The following SGCD variants were observed in gnomAD, a reference collection of about 807,000 sequenced individuals.
SGCD encodes sarcoglycan delta.
Under a neutral mutation model 36.6 loss-of-function variants are expected in SGCD, and 18 were observed. That is an observed-to-expected ratio of 0.49 (90% confidence interval 0.34 to 0.73). SGCD has a LOEUF of 0.73. Ranked by LOEUF, SGCD falls within the 30% of genes least tolerant of loss-of-function variation. SGCD has a pLI of 0.01. For synonymous variants in SGCD, 133 were observed against 130.6 expected (o/e 1.02, Z -0.12); for missense variants, 387 against 346.7 (o/e 1.12, Z -0.92).
chr5:156,644,787 T>C (rs565601058), intron 6 of SGCD, among the ~76,000 whole-genome samples: 1 of 152,284 alleles, frequency 6.6e-6, no homozygotes, highest in East Asian at 1.9e-4. Flanking sequence ...AGCATAGAGA[T>C]AGGACTAGAT....
At chr5:156,123,642 T>G (rs954902130) in intron 2 of SGCD, among the ~76,000 whole-genome samples, 3 of 152,162 alleles carry the variant, frequency 2.0e-5, no homozygotes, top group African/African-American at 7.2e-5. Context: ...CTAAAATACC[T>G]TCCAGCCTTG....
At chr5:155,737,216 A>G in the SGCD span, among the ~76,000 whole-genome samples, 1 of 152,224 alleles carries the variant, frequency 6.6e-6, no homozygotes, top group Non-Finnish European at 1.5e-5. Flanking sequence ...GCAAACGACT[A>G]TGAGGTACGT....
intron 4 of SGCD, among the ~76,000 whole-genome samples, chr5:156,544,003 C>T (rs1490470183): frequency 6.6e-6 from 1 of 152,122 alleles, no homozygotes; most frequent in Admixed American, 6.5e-5. Context: ...GGGTGTATTC[C>T]AGTGAAGAGG....
the SGCD span, among the ~76,000 whole-genome samples, chr5:155,818,365 G>C: frequency 6.6e-6 from 1 of 152,082 alleles, no homozygotes; most frequent in African/African-American, 2.4e-5. Context: ...CAACAGGTGT[G>C]CAGGGAGGAG....
intron 3 of SGCD, among the ~76,000 whole-genome samples, chr5:156,153,527 T>C (rs1274014349): frequency 2.0e-5 from 3 of 151,758 alleles, no homozygotes; most frequent in African/African-American, 4.9e-5. Context: ...TCCTTATGTT[T>C]CATGGGAACT....
At chr5:156,686,591 G>A (rs1052765587) in intron 7 of SGCD, among the ~76,000 whole-genome samples, 1 of 152,196 alleles carries the variant, frequency 6.6e-6, no homozygotes, top group Non-Finnish European at 1.5e-5. Flanking sequence ...ACACAGAACA[G>A]CCATAGTACT....
chr5:156,085,814 T>C (rs147165142), intron 1 of SGCD, among the ~76,000 whole-genome samples: 3 of 152,302 alleles, frequency 2.0e-5, no homozygotes, highest in East Asian at 1.9e-4. Context: ...GGTTTCTTTA[T>C]GGGGTAATGA....
chr5:156,362,140 T>G (rs999484701), intron 3 of SGCD, among the ~76,000 whole-genome samples: 1 of 152,168 alleles, frequency 6.6e-6, no homozygotes, highest in Non-Finnish European at 1.5e-5. Flanking sequence ...ACACCCTAAG[T>G]AGGAGCCAAT....
At chr5:156,374,166 C>T (rs2127742065) in intron 3 of SGCD, among the ~76,000 whole-genome samples, 1 of 149,936 alleles carries the variant, frequency 6.7e-6, no homozygotes, top group Middle Eastern at 3.5e-3. Context: ...AAAAAAAATG[C>T]ATGGCAATAT....
At chr5:156,579,010 T>C (rs1047427640) in intron 4 of SGCD, among the ~76,000 whole-genome samples, 2 of 152,246 alleles carry the variant, frequency 1.3e-5, no homozygotes, top group Non-Finnish European at 2.9e-5. Flanking sequence ...TGTTAGGGTG[T>C]CGATTTTAGA....
intron 4 of SGCD, among the ~76,000 whole-genome samples, chr5:156,525,669 G>C (rs1470929795): frequency 6.6e-6 from 1 of 151,924 alleles, no homozygotes; most frequent in African/African-American, 2.4e-5. Context: ...CAATGTCATA[G>C]AGCTTTGCCC....
At chr5:156,044,463 G>A (rs932037203) in intron 1 of SGCD, among the ~76,000 whole-genome samples, 1 of 152,108 alleles carries the variant, frequency 6.6e-6, no homozygotes, top group Non-Finnish European at 1.5e-5. Context: ...TTGAATCATG[G>A]GTTGCTTCAG....
intron 3 of SGCD, among the ~76,000 whole-genome samples, chr5:156,176,691 C>T (rs111252011): frequency 0.017 from 2,584 of 152,290 alleles, 79 homozygotes; most frequent in African/African-American, 0.059. Flanking sequence ...TTAAAATCCT[C>T]TGTTGCAGGC....
chr5:156,538,756 A>T (rs532026850), intron 4 of SGCD, among the ~76,000 whole-genome samples: 1 of 152,012 alleles, frequency 6.6e-6, no homozygotes, highest in African/African-American at 2.4e-5. Flanking sequence ...TAAGGAAGAG[A>T]AGAGGAACTG....
At chr5:155,847,801 C>A in the SGCD span, among the ~76,000 whole-genome samples, 3 of 152,276 alleles carry the variant, frequency 2.0e-5, no homozygotes, top group Admixed American at 2.0e-4. Flanking sequence ...TAGCTCAGGC[C>A]ACAAACTTCA....
At chr5:156,553,354 C>A (rs253592) in intron 4 of SGCD, among the ~76,000 whole-genome samples, 69,575 of 151,984 alleles carry the variant, frequency 0.46, 16,343 homozygotes, top group Non-Finnish European at 0.49. Context: ...AAGATGCTCT[C>A]AAATCACTTG....
At chr5:156,425,558 G>A (rs1032751287) in intron 3 of SGCD, among the ~76,000 whole-genome samples, 1 of 151,580 alleles carries the variant, frequency 6.6e-6, no homozygotes, top group Admixed American at 6.6e-5. Context: ...TGGATGACGG[G>A]TTTTTTTTAT....
At chr5:156,412,837 G>A (rs551766083) in intron 3 of SGCD, among the ~76,000 whole-genome samples, 5 of 147,184 alleles carry the variant, frequency 3.4e-5, no homozygotes, top group African/African-American at 5.0e-5. Flanking sequence ...CGCCCAGGCC[G>A]GACTGCGGAC....
chr5:156,711,159 A>T (rs1754973985), intron 7 of SGCD, among the ~76,000 whole-genome samples: 1 of 152,104 alleles, frequency 6.6e-6, no homozygotes, highest in Non-Finnish European at 1.5e-5. Context: ...CATGGCCTGA[A>T]CCAGTGTTTC....
Sources: allele counts gnomAD v4.1 joint callset (sites outside exome capture counted in the v4.1 genomes callset), GRCh38; gene constraint gnomAD v4.1.1; transcripts MANE v1.5; gene names NCBI Gene and HGNC (gene_info 2026-07-23, HGNC 2026-07-21).